CD247: variants seen among roughly 807,000 people sequenced by gnomAD.
The protein encoded by CD247 is T-cell surface glycoprotein CD3 zeta chain.
In CD247, 13 loss-of-function variants were observed where a neutral mutation model predicts 30.0. The observed-to-expected ratio is 0.43, with a 90% CI of 0.28 to 0.69. The LOEUF (loss-of-function observed/expected upper bound fraction) is 0.69, where lower values mean the gene tolerates loss of function less well. CD247 is among the 30% of genes least tolerant of loss of function. CD247 has a pLI of 0.16. For missense variants in CD247, 193 were observed against 212.6 expected (o/e 0.91, Z 0.57); for synonymous variants, 72 against 80.0 (o/e 0.90, Z 0.53).
intron 1 of CD247, among the ~76,000 whole-genome samples, chr1:167,487,990 C>T (rs374424068): frequency 2.0e-5 from 3 of 152,192 alleles, no homozygotes; most frequent in African/African-American, 7.2e-5. Flanking sequence ...CTTCCCCACT[C>T]GGCCCCCAAA....
intron 1 of CD247, chr1:167,458,689 C>CTTTCTTTCT (rs1553231431): frequency 3.0e-4 from 29 of 95,378 alleles, no homozygotes; most frequent in African/African-American, 1.4e-3. Context: ...TTCTTTCTTT[C>CTTTCTTTCT]TTTTTTTTTT....
At chr1:167,506,939 C>T (rs898724102) in intron 1 of CD247, among the ~76,000 whole-genome samples, 2 of 142,396 alleles carry the variant, frequency 1.4e-5, no homozygotes, top group Admixed American at 7.2e-5. Flanking sequence ...CTCTGTCGCC[C>T]AGGCTGGAGT....
chr1:167,431,571 G>A lies in CD247; in HGVS notation c.*110C>T. 1.1e-6 allele frequency: 1 copy of A among 896,690 alleles called. No individual in the cohort carries two copies. The highest frequency in any genetic ancestry group is 2.4e-5 in the East Asian group (1 of 41,726). The allele number at this position is 896,690 out of a possible 1,614,324, so 55.5% of individuals were successfully genotyped here. Reference sequence around the variant, plus strand: ...ACCAAAGCATCCTGTACATAAAGGGGAATACTTCAGTGGCTGAGAAGAGTG... The same window carrying A: ...ACCAAAGCATCCTGTACATAAAGGGAAATACTTCAGTGGCTGAGAAGAGTG... On this transcript the variant is annotated 3_prime_UTR_variant, in exon 8 of 8. Transcript: ENST00000362089.
chr1:167,434,677 C>T (rs987264442), intron 5 of CD247: 29 of 415,322 alleles, frequency 7.0e-5, no homozygotes, highest in Non-Finnish European at 1.2e-4. Context: ...CTCGTCCTTG[C>T]CTAGCTTGAC....
At chr1:167,501,053 CTTT>C (rs569489236) in intron 1 of CD247, among the ~76,000 whole-genome samples, 12 of 124,358 alleles carry the variant, frequency 9.6e-5, no homozygotes, top group Admixed American at 1.6e-4. Context: ...TCCTATTGTT[CTTT>C]TTTTTTTTTT....
Position 167,434,074 on chromosome 1 carries a change from T to G in CD247, c.339A>C (p.Glu113Asp). The G allele has an allele frequency of 6.2e-7, 1 of 1,610,556 alleles. No individual in the cohort carries two copies. Among genetic ancestry groups the G allele is most frequent in the South Asian group, 1.1e-5 (1 of 90,980 alleles). Residue 113 changes from glutamate (E) to aspartate (D), a missense_variant and splice_region_variant, in exon 6 of 8, where the codon GAA (glutamate) becomes GAC (aspartate). Coordinates refer to ENST00000362089, the MANE Select transcript of CD247 (RefSeq NM_198053.3). Reference protein sequence around the residue: ...RKNPQEGLYNELQKDKMAEAY... With the variant: ...RKNPQEGLYNDLQKDKMAEAY... Reference sequence around the variant, plus strand: ...CCTCCGCCATCTTATCTTTCTGCAGTTCCTGCAGAAGAGGGCGTGGAACAC... The same window carrying G: ...CCTCCGCCATCTTATCTTTCTGCAGGTCCTGCAGAAGAGGGCGTGGAACAC...
intron 1 of CD247, among the ~76,000 whole-genome samples, chr1:167,455,076 G>T (rs922743111): frequency 7.2e-5 from 11 of 152,204 alleles, no homozygotes; most frequent in Admixed American, 6.5e-4. Context: ...GCTGCGGGCC[G>T]CCCGCCCGGA....
intron 1 of CD247, among the ~76,000 whole-genome samples, chr1:167,508,425 G>A (rs932572270): frequency 6.6e-6 from 1 of 152,170 alleles, no homozygotes; most frequent in Admixed American, 6.5e-5. Context: ...GGTGAGCGAT[G>A]GTGGATACAA....
intron 1 of CD247, among the ~76,000 whole-genome samples, chr1:167,514,884 C>A (rs1655535868): frequency 6.6e-6 from 1 of 152,048 alleles, no homozygotes. Flanking sequence ...GCACAAGACA[C>A]AATGCTGGGT....
chr1:167,456,110 G>A (rs1337803719), intron 1 of CD247, among the ~76,000 whole-genome samples: 1 of 152,190 alleles, frequency 6.6e-6, no homozygotes, highest in African/African-American at 2.4e-5. Flanking sequence ...GCCACTCTCG[G>A]AATCAACAGC....
intron 1 of CD247, among the ~76,000 whole-genome samples, chr1:167,502,148 C>T (rs919945823): frequency 1.3e-5 from 2 of 152,168 alleles, no homozygotes; most frequent in Non-Finnish European, 1.5e-5. Context: ...GAAGAGAATG[C>T]CTCTGCAGTA....
chr1:167,452,255 T>C (rs1652385637), intron 1 of CD247, among the ~76,000 whole-genome samples: 1 of 149,700 alleles, frequency 6.7e-6, no homozygotes, highest in African/African-American at 2.5e-5. Context: ...AAAAACCATC[T>C]CTAATAAAAT....
intron 1 of CD247, among the ~76,000 whole-genome samples, chr1:167,444,299 G>C (rs1651970809): frequency 6.6e-6 from 1 of 152,194 alleles, no homozygotes; most frequent in Admixed American, 6.5e-5. Flanking sequence ...CAGGATGCCA[G>C]CTCAAAGGCA....
At chr1:167,475,640 A>T (rs944300289) in intron 1 of CD247, among the ~76,000 whole-genome samples, 2 of 152,230 alleles carry the variant, frequency 1.3e-5, no homozygotes, top group Non-Finnish European at 2.9e-5. Context: ...TTGCTACATT[A>T]AACCTGAATC....
In CD247 at chr1:167,494,827, C is replaced by A. The variant is rs1330092582; in HGVS notation, c.58+23581G>T. ...CAATTATTACCTCAGATCACATACGCCTTGGATTTCAGAGCTGGAAAGAGG... is the reference window on the plus strand; with the variant it reads ...CAATTATTACCTCAGATCACATACGACTTGGATTTCAGAGCTGGAAAGAGG... On this transcript the variant is annotated intron_variant, in intron 1 of 7. Transcript: ENST00000362089. This position sits in a 1 kb window ranked among gnomAD's most constrained non-coding sequence, Gnocchi z 7.3. 6.6e-6 allele frequency among the ~76,000 whole-genome samples: 1 copy of A among 152,162 alleles called. No individual in the cohort carries two copies. The highest frequency in any genetic ancestry group is 1.5e-5 in the Non-Finnish European group (1 of 68,034).
chr1:167,433,262 A>C (rs1042328127), intron 6 of CD247, among the ~76,000 whole-genome samples: 2 of 152,154 alleles, frequency 1.3e-5, no homozygotes, highest in Non-Finnish European at 2.9e-5. Flanking sequence ...CCTGGCCATG[A>C]TGGGGCTTGG....
At chr1:167,509,570 G>A (rs1285386164) in intron 1 of CD247, among the ~76,000 whole-genome samples, 1 of 152,128 alleles carries the variant, frequency 6.6e-6, no homozygotes, top group African/African-American at 2.4e-5. Flanking sequence ...GAACTGGTGA[G>A]AATTTGGGGA....
intron 1 of CD247, among the ~76,000 whole-genome samples, chr1:167,455,516 G>A (rs905737688): frequency 6.6e-6 from 1 of 152,156 alleles, no homozygotes; most frequent in Non-Finnish European, 1.5e-5. Context: ...CCGTGTTGCC[G>A]CCAGCCGCGG....
intron 1 of CD247, among the ~76,000 whole-genome samples, chr1:167,473,136 G>A (rs1199648371): frequency 7.0e-6 from 1 of 142,520 alleles, no homozygotes; most frequent in Non-Finnish European, 1.5e-5. Context: ...CCCATCTGTA[G>A]TCTTACAGGG....
Sources: gnomAD v4.1 joint callset for allele counts (sites outside exome capture counted in the v4.1 genomes callset) on GRCh38, gnomAD v4.1.1 for gene constraint, Gnocchi (gnomAD v3.1) non-coding constraint, MANE v1.5 for transcripts, NCBI Gene and HGNC (gene_info 2026-07-23, HGNC 2026-07-21) for gene names.